PLCG2: variants seen among roughly 807,000 people sequenced by gnomAD.
PLCG2 encodes the protein 1-phosphatidylinositol 4,5-bisphosphate phosphodiesterase gamma-2.
In PLCG2, 69 loss-of-function variants were observed where a neutral mutation model predicts 175.6. The ratio of observed to expected loss-of-function variants is 0.39; its 90% CI spans 0.32 to 0.48. The LOEUF is 0.48. Ranked by LOEUF, PLCG2 falls within the 20% of genes least tolerant of loss-of-function variation. The pLI is 0.91. For missense variants in PLCG2, 1,798 were observed against 1,650.9 expected (o/e 1.09, Z -1.54); for synonymous variants, 827 against 624.0 (o/e 1.33, Z -4.85).
intron 10 of PLCG2, among the ~76,000 whole-genome samples, chr16:81,891,242 A>G (rs189295410): frequency 2.5e-4 from 38 of 152,334 alleles, no homozygotes; most frequent in Non-Finnish European, 4.9e-4. Context: ...TTTTAGGATA[A>G]ACATTACAAA....
At chr16:81,788,848 C>G (rs1223085326) in intron 2 of PLCG2, among the ~76,000 whole-genome samples, 1 of 152,196 alleles carries the variant, frequency 6.6e-6, no homozygotes, top group African/African-American at 2.4e-5. Flanking sequence ...GGCTCCACCC[C>G]CAGGTGGCCC....
chr16:81,955,879 G>A (rs17793122), intron 31 of PLCG2, among the ~76,000 whole-genome samples: 43,484 of 152,086 alleles, frequency 0.29, 7,715 homozygotes, highest in South Asian at 0.45. Flanking sequence ...TGATACCTTG[G>A]CTTTTTTGGG....
At chr16:81,822,928 G>A (rs1307064698) in intron 2 of PLCG2, among the ~76,000 whole-genome samples, 1 of 152,216 alleles carries the variant, frequency 6.6e-6, no homozygotes, top group Non-Finnish European at 1.5e-5. Context: ...CCAGGAAGCA[G>A]GTTTTCCCTC....
At chr16:81,837,217 T>C (rs974842860) in intron 2 of PLCG2, among the ~76,000 whole-genome samples, 2 of 152,120 alleles carry the variant, frequency 1.3e-5, no homozygotes, top group African/African-American at 4.8e-5. Flanking sequence ...CAGAAAAGTG[T>C]GTGATCAAAT....
At chr16:81,919,448 T>C (rs750632781) in intron 19 of PLCG2, 36 bp from the exon 20 acceptor site, 1 of 1,573,726 alleles carries the variant, frequency 6.4e-7, no homozygotes, top group Admixed American at 1.7e-5. Flanking sequence ...GCCACCAGGA[T>C]CTTGGCATGT....
At chr16:81,935,997 C>T in intron 26 of PLCG2, 172 bp from the exon 27 acceptor site, 1 of 985,206 alleles carries the variant, frequency 1.0e-6, no homozygotes, top group Non-Finnish European at 1.2e-6. Context: ...CCCCAGAGGG[C>T]AAGAGTCCAC....
chr16:81,943,802 C>T (rs755877982), intron 30 of PLCG2, among the ~76,000 whole-genome samples: 10 of 152,156 alleles, frequency 6.6e-5, no homozygotes, highest in Non-Finnish European at 1.0e-4. Context: ...GGTCAGAAAA[C>T]TTCTTTACAG....
intron 1 of PLCG2, among the ~76,000 whole-genome samples, chr16:81,748,982 G>C (rs1201580377): frequency 2.6e-5 from 4 of 152,172 alleles, no homozygotes; most frequent in African/African-American, 9.7e-5. Context: ...GGCCTGTGGC[G>C]GGGGGTGGCA....
chr16:81,794,518 G>A (rs1439069643), intron 2 of PLCG2, among the ~76,000 whole-genome samples: 3 of 152,268 alleles, frequency 2.0e-5, no homozygotes, highest in African/African-American at 7.2e-5. Flanking sequence ...TGCGGTGATG[G>A]TATAAAGAAG....
At chr16:81,923,141 A>G (rs2143691629) in intron 21 of PLCG2, among the ~76,000 whole-genome samples, 1 of 152,270 alleles carries the variant, frequency 6.6e-6, no homozygotes, top group Admixed American at 6.5e-5. Context: ...AAATTGAGCA[A>G]TATTGTGTCA....
intron 2 of PLCG2, among the ~76,000 whole-genome samples, chr16:81,811,892 G>A (rs1324072088): frequency 6.6e-6 from 1 of 152,062 alleles, no homozygotes; most frequent in African/African-American, 2.4e-5. Context: ...CCCAGTAATA[G>A]GATTGCTGGA....
rs999627858 is a variant in PLCG2, at chr16:81,960,238, G to C, written c.*2240G>C. 4.5e-6 allele frequency: 1 copy of C among 220,256 alleles called. No homozygotes were observed. The highest frequency in any genetic ancestry group is 9.1e-6 in the Non-Finnish European group (1 of 109,964). 13.6% of individuals were successfully genotyped at this position (220,256 alleles called of 1,614,324 possible). On this transcript the variant is annotated 3_prime_UTR_variant, in exon 33 of 33. Coordinates refer to ENST00000564138, the MANE Select transcript of PLCG2 (RefSeq NM_002661.5). ...TTAGGGACTGATTCTCTCAGGAAAG[G>C]CACACATGGTATGATGGCTCTTCCC...
intron 13 of PLCG2, 36 bp from the exon 14 acceptor site, chr16:81,900,576 C>A: frequency 6.4e-7 from 1 of 1,552,614 alleles, no homozygotes; most frequent in South Asian, 1.2e-5. Context: ...GGTGTGTGCT[C>A]CCCCTGCCGA....
intron 30 of PLCG2, among the ~76,000 whole-genome samples, chr16:81,943,918 T>A (rs1039339272): frequency 1.3e-5 from 2 of 152,094 alleles, no homozygotes; most frequent in African/African-American, 2.4e-5. Context: ...AAGTATAAAA[T>A]CAAAGGATGG....
intron 14 of PLCG2, among the ~76,000 whole-genome samples, chr16:81,902,643 A>G (rs566958251): frequency 3.3e-5 from 5 of 151,948 alleles, no homozygotes; most frequent in Admixed American, 1.3e-4. Flanking sequence ...CCTCATTCCC[A>G]TTCATAAAAG....
chr16:81,919,980 G>A (rs1412892861), intron 20 of PLCG2, among the ~76,000 whole-genome samples: 6 of 152,160 alleles, frequency 3.9e-5, no homozygotes, highest in African/African-American at 1.2e-4. Context: ...TCAGAGGGTG[G>A]TCTAGGAAGA....
At chr16:81,786,735 C>G (rs1392833528) in intron 2 of PLCG2, among the ~76,000 whole-genome samples, 3 of 152,176 alleles carry the variant, frequency 2.0e-5, no homozygotes, top group African/African-American at 4.8e-5. Flanking sequence ...GCAGCTGGTT[C>G]AGATCCTAAA....
intron 2 of PLCG2, among the ~76,000 whole-genome samples, chr16:81,810,894 C>T (rs76798124): frequency 0.012 from 1,840 of 152,150 alleles, 63 homozygotes; most frequent in East Asian, 0.029. Flanking sequence ...ATATTTATAA[C>T]GAAAATGAAG....
chr16:81,772,662 A>G lies in PLCG2; in HGVS notation c.-47-13281A>G, dbSNP rs866789646. Among the ~76,000 whole-genome samples the G allele has an allele frequency of 4.8e-3, 722 of 151,194 alleles. 6 individuals carry two copies. Among genetic ancestry groups the G allele is most frequent in the African/African-American group, 0.017 (687 of 41,356 alleles). ...CTGTTTCTACTAAAAATACAAAAAA[A>G]AAAAAAAAAGCTGGGTGTGGTGGTG... On this transcript the variant is annotated intron_variant, in intron 2 of 5. Coordinates refer to the PLCG2 transcript ENST00000565054.
Sources: allele counts gnomAD v4.1 joint callset (sites outside exome capture counted in the v4.1 genomes callset), GRCh38; gene constraint gnomAD v4.1.1; transcripts MANE v1.5; gene names NCBI Gene and HGNC (gene_info 2026-07-23, HGNC 2026-07-21).